The following OVAAL variants were observed in gnomAD, a reference collection of about 807,000 sequenced individuals.
OVAAL encodes long intergenic non-protein coding RNA 1131.
At chr1:180,560,072 C>T (rs1369373404) in intron 1 of OVAAL, among the ~76,000 whole-genome samples, 1 of 151,978 alleles carries the variant, frequency 6.6e-6, no homozygotes, top group Non-Finnish European at 1.5e-5. Context: ...TGAGAAGATA[C>T]ATTAGTATTA....
intron 1 of OVAAL, among the ~76,000 whole-genome samples, chr1:180,561,880 G>A (rs749628682): frequency 6.6e-6 from 1 of 151,878 alleles, no homozygotes; most frequent in Non-Finnish European, 1.5e-5. Flanking sequence ...AAAAATAGCC[G>A]GACATGATGG....
chr1:180,559,307 A>C (rs1653158052), intron 1 of OVAAL, among the ~76,000 whole-genome samples: 1 of 152,206 alleles, frequency 6.6e-6, no homozygotes, highest in Non-Finnish European at 1.5e-5. Context: ...ACTGATAAAA[A>C]TGCTGATAGT....
intron 1 of OVAAL, among the ~76,000 whole-genome samples, chr1:180,559,352 C>T (rs1020476867): frequency 1.3e-5 from 2 of 152,112 alleles, no homozygotes; most frequent in Admixed American, 6.5e-5. Context: ...GAGGTGGTCT[C>T]AGATGGAGAT....
chr1:180,562,807 G>A (rs750479105), intron 2 of OVAAL, among the ~76,000 whole-genome samples: 1 of 152,204 alleles, frequency 6.6e-6, no homozygotes, highest in Non-Finnish European at 1.5e-5. Flanking sequence ...CATGATATGT[G>A]AGCAGGCCAC....
At chr1:180,559,916 A>G (rs997891177) in intron 1 of OVAAL, among the ~76,000 whole-genome samples, 1 of 152,026 alleles carries the variant, frequency 6.6e-6, no homozygotes, top group Non-Finnish European at 1.5e-5. Context: ...AAAAAAAAAA[A>G]AAAAAGAATG....
At chr1:180,564,625 T>C (rs552915497) in intron 2 of OVAAL, among the ~76,000 whole-genome samples, 2 of 152,300 alleles carry the variant, frequency 1.3e-5, no homozygotes, top group African/African-American at 4.8e-5. Flanking sequence ...TAAATGTCTC[T>C]GAACTAGGAA....
intron 2 of OVAAL, among the ~76,000 whole-genome samples, chr1:180,562,730 G>C (rs1653230262): frequency 6.6e-6 from 1 of 152,204 alleles, no homozygotes; most frequent in African/African-American, 2.4e-5. Flanking sequence ...TGCACAGAGA[G>C]GAAGGCTGGA....
intron 1 of OVAAL, among the ~76,000 whole-genome samples, chr1:180,561,375 A>C (rs1653196268): frequency 6.6e-6 from 1 of 152,106 alleles, no homozygotes; most frequent in Non-Finnish European, 1.5e-5. Context: ...GGGACCTGGC[A>C]TTTGCTGTCA....
chr1:180,559,904 T>TAA (rs35042780), intron 1 of OVAAL, among the ~76,000 whole-genome samples: 1 of 140,278 alleles, frequency 7.1e-6, no homozygotes. Flanking sequence ...AGACTCCATT[T>TAA]AAAAAAAAAA....
At chr1:180,563,933 G>A (rs967807121) in intron 2 of OVAAL, among the ~76,000 whole-genome samples, 1 of 152,010 alleles carries the variant, frequency 6.6e-6, no homozygotes, top group Non-Finnish European at 1.5e-5. Context: ...GTTAACAATG[G>A]CCTGACCATC....
At chr1:180,561,017 G>A (rs1395466229) in intron 1 of OVAAL, among the ~76,000 whole-genome samples, 3 of 152,072 alleles carry the variant, frequency 2.0e-5, no homozygotes, top group Admixed American at 6.6e-5. Flanking sequence ...TCAGTCCTAC[G>A]GTGGGGCTTG....
intron 1 of OVAAL, among the ~76,000 whole-genome samples, chr1:180,559,229 T>A (rs2102143869): frequency 6.6e-6 from 1 of 152,046 alleles, no homozygotes. Context: ...GTTGGAACAG[T>A]TTGGAGGGCT....
chr1:180,561,399 A>G (rs1192297309), intron 1 of OVAAL, among the ~76,000 whole-genome samples: 1 of 152,184 alleles, frequency 6.6e-6, no homozygotes, highest in East Asian at 1.9e-4. Flanking sequence ...CAATCCAGTC[A>G]GGGTAACAGG....
intron 1 of OVAAL, among the ~76,000 whole-genome samples, chr1:180,561,814 G>C (rs1315172173): frequency 6.6e-6 from 1 of 152,124 alleles, no homozygotes; most frequent in East Asian, 1.9e-4. Context: ...CCTGAGGTCA[G>C]GAGTTTGAGA....
At chr1:180,561,729 A>G (rs1256301706) in intron 1 of OVAAL, among the ~76,000 whole-genome samples, 2 of 151,344 alleles carry the variant, frequency 1.3e-5, no homozygotes, top group Non-Finnish European at 2.9e-5. Context: ...TTTTTTTTTT[A>G]ATTAGAGTTC....
At chr1:180,560,420 C>G (rs1180835423) in intron 1 of OVAAL, among the ~76,000 whole-genome samples, 1 of 150,964 alleles carries the variant, frequency 6.6e-6, no homozygotes, top group Non-Finnish European at 1.5e-5. Context: ...GTCATAGAAC[C>G]AGGATCATAC....
intron 1 of OVAAL, among the ~76,000 whole-genome samples, chr1:180,559,922 G>T (rs549055171): frequency 7.3e-6 from 1 of 137,206 alleles, no homozygotes; most frequent in South Asian, 2.4e-4. Context: ...AAAAAAAAAA[G>T]AATGACTGAA....
At chr1:180,564,000 T>G (rs926882813) in intron 2 of OVAAL, among the ~76,000 whole-genome samples, 7 of 152,312 alleles carry the variant, frequency 4.6e-5, no homozygotes, top group African/African-American at 1.4e-4. Flanking sequence ...CTGTCCTGTT[T>G]GTGTCTGACT....
At chr1:180,564,072 G>C (rs1653255062) in intron 2 of OVAAL, among the ~76,000 whole-genome samples, 1 of 152,110 alleles carries the variant, frequency 6.6e-6, no homozygotes, top group Non-Finnish European at 1.5e-5. Flanking sequence ...ACACTTTTGA[G>C]AGTGAAGGGG....
Sources: gnomAD v4.1 joint callset for allele counts (sites outside exome capture counted in the v4.1 genomes callset) on GRCh38, gnomAD v4.1.1 for gene constraint, MANE v1.5 for transcripts, NCBI Gene and HGNC (gene_info 2026-07-23, HGNC 2026-07-21) for gene names.